The following FRAS1 variants were observed in gnomAD, a reference collection of about 807,000 sequenced individuals.
The protein encoded by FRAS1 is Fraser extracellular matrix complex subunit 1, also known as extracellular matrix organizing protein FRAS1.
FRAS1 carries 290 observed loss-of-function variants against 435.2 expected under a neutral mutation model. The observed-to-expected ratio is 0.67, with a 90% CI of 0.61 to 0.73. The LOEUF (loss-of-function observed/expected upper bound fraction) is 0.73, where lower values mean the gene tolerates loss of function less well. Ranked by LOEUF, FRAS1 falls within the 30% of genes least tolerant of loss-of-function variation. The probability of loss-of-function intolerance (pLI) is 0.00; values close to 1 mark genes in which losing one functional copy is unlikely to be tolerated. For missense variants in FRAS1, 4,860 were observed against 5,001.5 expected (o/e 0.97, Z 0.85); for synonymous variants, 1,800 against 1,851.0 (o/e 0.97, Z 0.71).
At chr4:78,334,296 A>G (rs1319171154) in intron 19 of FRAS1, among the ~76,000 whole-genome samples, 2 of 151,860 alleles carry the variant, frequency 1.3e-5, no homozygotes, top group African/African-American at 4.8e-5. Flanking sequence ...GTTGTTACAT[A>G]ATTGAGAATA....
intron 40 of FRAS1, among the ~76,000 whole-genome samples, chr4:78,440,156 G>C (rs1335487781): frequency 6.7e-6 from 1 of 149,338 alleles, no homozygotes; most frequent in Admixed American, 6.7e-5. Flanking sequence ...TCAGCCTCCC[G>C]AGTAGCTGGG....
rs200344686 is a variant in FRAS1, at chr4:78,281,426, G to T, written c.1100G>T (p.Arg367Leu). The T allele has an allele frequency of 2.6e-6, 4 of 1,567,108 alleles. No individual in the cohort carries two copies. In the East Asian group the frequency reaches 9.3e-5, roughly 36 times the overall value. The stretch of plus-strand genomic sequence containing the variant: ...TCATCAAATGCTAGTGAAGTTAAAC[G>T]TATTCCAGTAAGTATAGCTTTTTAA... ...FMSSNASEVK[R>L]IPEGEKWEDG... Residue 367 changes from arginine (R) to leucine (L), a missense_variant, in exon 11 of 74, where the codon CGT (arginine) becomes CTT (leucine). Coordinates refer to ENST00000512123, the MANE Select transcript of FRAS1 (RefSeq NM_025074.7).
chr4:78,151,941 G>T (rs1056269769), intron 2 of FRAS1, among the ~76,000 whole-genome samples: 4 of 152,112 alleles, frequency 2.6e-5, no homozygotes, highest in African/African-American at 9.7e-5. Context: ...TCCTTGGGGA[G>T]ATATTTTAAT....
In FRAS1 at chr4:78,337,802, G is replaced by A. The variant is rs754813322; in HGVS notation, c.2407G>A (p.Val803Met). 2.4e-5 allele frequency: 39 copies of A among 1,613,754 alleles called. No individual in the cohort carries two copies. Among genetic ancestry groups the A allele is most frequent in the Middle Eastern group, 3.3e-4 (2 of 6,082 alleles). Residue 803 changes from valine to methionine, a missense_variant, in exon 20 of 74, where the codon GTG (valine) becomes ATG (methionine). Transcript: ENST00000512123. Reference sequence around the variant, plus strand: ...CAGGGAAGAGCAGTTCCTCAACCTCGTGGGATACTGTGCTGGTGAGTGAAA... The same window carrying A: ...CAGGGAAGAGCAGTTCCTCAACCTCATGGGATACTGTGCTGGTGAGTGAAA... ...SCREEQFLNL[V>M]GYCADCHHLC...
At chr4:78,128,215 G>A (rs373022704) in intron 2 of FRAS1, among the ~76,000 whole-genome samples, 2,905 of 152,022 alleles carry the variant, frequency 0.019, 92 homozygotes, top group African/African-American at 0.065. Context: ...ATAAACATAC[G>A]TGTGCATGTG....
At chr4:78,308,618 C>T (rs891315349) in intron 15 of FRAS1, among the ~76,000 whole-genome samples, 2 of 152,196 alleles carry the variant, frequency 1.3e-5, no homozygotes, top group African/African-American at 2.4e-5. Flanking sequence ...AGGGCAGACC[C>T]GCCTTTGGTG....
intron 2 of FRAS1, among the ~76,000 whole-genome samples, chr4:78,102,669 G>C (rs1742192437): frequency 6.6e-6 from 1 of 152,130 alleles, no homozygotes; most frequent in African/African-American, 2.4e-5. Flanking sequence ...TATATAGTGA[G>C]GGCTACTATA....
At chr4:78,287,859 G>T (rs1727684443) in intron 14 of FRAS1, among the ~76,000 whole-genome samples, 1 of 152,160 alleles carries the variant, frequency 6.6e-6, no homozygotes, top group South Asian at 2.1e-4. Flanking sequence ...AGAGATATGA[G>T]TGTAGCAGAG....
At chr4:78,443,781 G>A (rs116401135) in intron 41 of FRAS1, among the ~76,000 whole-genome samples, 3,947 of 152,282 alleles carry the variant, frequency 0.026, 172 homozygotes, top group African/African-American at 0.09. Context: ...TTAATAGCTT[G>A]TTCTCCAGTG....
chr4:78,073,355 T>A (rs1740459151), intron 2 of FRAS1, among the ~76,000 whole-genome samples: 1 of 152,188 alleles, frequency 6.6e-6, no homozygotes, highest in Admixed American at 6.6e-5. Context: ...ACACATTTCT[T>A]ATGCTTTGTT....
rs148602977 is a variant in FRAS1, at chr4:78,250,044, A to G, written c.310-2348A>G. Among the ~76,000 whole-genome samples the G allele has an allele frequency of 7.8e-3, 1,193 of 152,236 alleles. 20 individuals are homozygous for G. The highest frequency in any genetic ancestry group is 0.027 in the African/African-American group (1,134 of 41,578). The stretch of plus-strand genomic sequence containing the variant: ...TTTAAATATATGTAGTCAAATATAT[A>G]TAATTTAAAGACTATAGTCTTTAAA... On this transcript the variant is annotated intron_variant, in intron 4 of 73. Transcript: ENST00000512123.
intron 9 of FRAS1, among the ~76,000 whole-genome samples, chr4:78,277,816 T>C (rs1488282107): frequency 6.6e-6 from 1 of 152,032 alleles, no homozygotes; most frequent in Non-Finnish European, 1.5e-5. Flanking sequence ...ATTCCACTTA[T>C]AATTTTTTTT....
intron 22 of FRAS1, among the ~76,000 whole-genome samples, chr4:78,368,807 T>A (rs548939803): frequency 1.3e-5 from 2 of 152,270 alleles, no homozygotes; most frequent in African/African-American, 4.8e-5. Context: ...GAGATTATAT[T>A]AAGAGGATTC....
intron 29 of FRAS1, among the ~76,000 whole-genome samples, chr4:78,388,468 A>G (rs893347387): frequency 3.3e-5 from 5 of 151,996 alleles, no homozygotes; most frequent in Non-Finnish European, 7.4e-5. Flanking sequence ...TCTTTTGGTA[A>G]TCCTAGGGAT....
chr4:78,490,305 C>T (rs1720309908), intron 59 of FRAS1, among the ~76,000 whole-genome samples: 1 of 152,132 alleles, frequency 6.6e-6, no homozygotes, highest in African/African-American at 2.4e-5. Flanking sequence ...ACCAAGCAGA[C>T]CTAATAGACA....
At chr4:78,233,007 A>G (rs921144539) in intron 2 of FRAS1, among the ~76,000 whole-genome samples, 1 of 152,260 alleles carries the variant, frequency 6.6e-6, no homozygotes, top group Admixed American at 6.5e-5. Flanking sequence ...GAATGAAAGA[A>G]TGAAAGTGAA....
intron 63 of FRAS1, among the ~76,000 whole-genome samples, chr4:78,509,831 C>G (rs1720975429): frequency 6.6e-6 from 1 of 152,220 alleles, no homozygotes; most frequent in Admixed American, 6.5e-5. Flanking sequence ...AAGCATCCAA[C>G]AATTCTTGCC....
intron 2 of FRAS1, among the ~76,000 whole-genome samples, chr4:78,136,819 T>G (rs1719938216): frequency 6.6e-6 from 1 of 152,204 alleles, no homozygotes; most frequent in African/African-American, 2.4e-5. Context: ...GTGGAGATGA[T>G]GACACTAAAT....
chr4:78,400,354 T>C (rs1176031907), intron 29 of FRAS1, among the ~76,000 whole-genome samples: 1 of 152,204 alleles, frequency 6.6e-6, no homozygotes, highest in Non-Finnish European at 1.5e-5. Flanking sequence ...AGACATCTTG[T>C]ATATATCGGG....
Sources: gnomAD v4.1 joint callset for allele counts (sites outside exome capture counted in the v4.1 genomes callset) on GRCh38, gnomAD v4.1.1 for gene constraint, MANE v1.5 for transcripts, NCBI Gene and HGNC (gene_info 2026-07-23, HGNC 2026-07-21) for gene names.